DOCK2: variants seen among roughly 807,000 people sequenced by gnomAD.
DOCK2 encodes the protein dedicator of cytokinesis 2, also known as dedicator of cytokinesis protein 2.
In DOCK2, 87 loss-of-function variants were observed where a neutral mutation model predicts 248.9. The ratio of observed to expected loss-of-function variants is 0.35; its 90% CI spans 0.29 to 0.42. The LOEUF (loss-of-function observed/expected upper bound fraction) is 0.42, where lower values mean the gene tolerates loss of function less well. Among genes scored for constraint, DOCK2 ranks in the 10% least tolerant of loss-of-function variants. The pLI is 1.00. For synonymous variants in DOCK2, 805 were observed against 821.6 expected (o/e 0.98, Z 0.35); for missense variants, 1,747 against 2,300.2 (o/e 0.76, Z 4.92).
chr5:169,700,170 G>T, intron 13 of DOCK2, 31 bp downstream of exon 13: 1 of 1,604,246 alleles, frequency 6.2e-7, no homozygotes, highest in South Asian at 1.1e-5. Context: ...CCTTCCCCTG[G>T]GGACATAGGG....
At chr5:169,869,802 A>C (rs1166593620) in intron 27 of DOCK2, among the ~76,000 whole-genome samples, 2 of 152,170 alleles carry the variant, frequency 1.3e-5, no homozygotes, top group African/African-American at 4.8e-5. Context: ...ATAGCACACC[A>C]ATAACTTTTC....
intron 1 of DOCK2, 25 bp from the exon 2 acceptor site, chr5:169,654,378 A>T: frequency 6.2e-7 from 1 of 1,613,458 alleles, no homozygotes; most frequent in Non-Finnish European, 8.5e-7. Context: ...GGTCTCACCT[A>T]GCTGTCTTTC....
At chr5:170,034,598 G>A (rs970068746) in intron 35 of DOCK2, 43 bp downstream of exon 35, 1 of 1,607,990 alleles carries the variant, frequency 6.2e-7, no homozygotes, top group African/African-American at 1.3e-5. Flanking sequence ...GAACCCTGTG[G>A]GGGGGCTTGG....
intron 9 of DOCK2, among the ~76,000 whole-genome samples, chr5:169,692,804 G>T (rs73316271): frequency 0.011 from 1,606 of 152,256 alleles, 31 homozygotes; most frequent in African/African-American, 0.037. Context: ...TCTTGCCTTG[G>T]TTTGCAGATG....
intron 26 of DOCK2, among the ~76,000 whole-genome samples, chr5:169,832,719 T>C (rs191979110): frequency 2.0e-5 from 3 of 152,350 alleles, no homozygotes; most frequent in Admixed American, 1.3e-4. Context: ...ATTTTCTTTC[T>C]AGGTGTTTGT....
intron 11 of DOCK2, 75 bp downstream of exon 11, chr5:169,698,524 G>A (rs962265517): frequency 4.6e-6 from 7 of 1,525,734 alleles, no homozygotes; most frequent in Middle Eastern, 1.7e-4. Context: ...AGCTCAGAGG[G>A]TACCAGTTCC....
At chr5:169,694,656 G>A (rs1760507239) in intron 9 of DOCK2, among the ~76,000 whole-genome samples, 1 of 152,192 alleles carries the variant, frequency 6.6e-6, no homozygotes. Flanking sequence ...CACAGTGGAT[G>A]AGAGTGCGTT....
At chr5:170,049,654 A>G (rs1345594104) in intron 40 of DOCK2, among the ~76,000 whole-genome samples, 1 of 152,208 alleles carries the variant, frequency 6.6e-6, no homozygotes, top group Non-Finnish European at 1.5e-5. Flanking sequence ...TGCTAGCAGC[A>G]TCCCTAACCA....
At chr5:169,776,696 TC>T (rs1486652993) in intron 25 of DOCK2, among the ~76,000 whole-genome samples, 1 of 152,182 alleles carries the variant, frequency 6.6e-6, no homozygotes, top group Non-Finnish European at 1.5e-5. Context: ...GATAACTGAA[TC>T]ATGGCAGCAG....
intron 25 of DOCK2, among the ~76,000 whole-genome samples, chr5:169,776,791 G>T (rs1765411808): frequency 6.6e-6 from 1 of 152,134 alleles, no homozygotes; most frequent in Admixed American, 6.6e-5. Flanking sequence ...ACTTCGTCCT[G>T]CTGCCCTGTG....
At chr5:169,896,168 C>T (rs1470025465) in intron 27 of DOCK2, among the ~76,000 whole-genome samples, 1 of 151,964 alleles carries the variant, frequency 6.6e-6, no homozygotes, top group African/African-American at 2.4e-5. Flanking sequence ...GAAACCGTTG[C>T]TCCTGGGGTC....
intron 26 of DOCK2, among the ~76,000 whole-genome samples, chr5:169,808,655 C>CGTTCTG (rs1767558424): frequency 6.6e-6 from 1 of 152,148 alleles, no homozygotes; most frequent in African/African-American, 2.4e-5. Context: ...CACACTGCTT[C>CGTTCTG]GTTCTGTGCT....
intron 30 of DOCK2, among the ~76,000 whole-genome samples, chr5:170,006,034 C>A (rs1449870541): frequency 2.0e-5 from 3 of 152,164 alleles, no homozygotes; most frequent in African/African-American, 4.8e-5. Flanking sequence ...TTTTCTCTTG[C>A]CCTGGCTTGT....
chr5:170,034,700 C>G, intron 35 of DOCK2, 145 bp downstream of exon 35: 1 of 1,163,944 alleles, frequency 8.6e-7, no homozygotes, highest in Non-Finnish European at 1.2e-6. Context: ...ACGTCTGCTG[C>G]GCTTTCTGCT....
intron 27 of DOCK2, among the ~76,000 whole-genome samples, chr5:169,897,469 G>A (rs1014883101): frequency 1.3e-5 from 2 of 152,092 alleles, no homozygotes; most frequent in African/African-American, 4.8e-5. Flanking sequence ...GATTACAAGT[G>A]TGAGCCACCG....
At chr5:169,747,335 A>G in intron 22 of DOCK2, 61 bp from the exon 23 acceptor site, 3 of 1,483,344 alleles carry the variant, frequency 2.0e-6, no homozygotes, top group South Asian at 1.2e-5. Context: ...TGTGCCTAGT[A>G]CACACTTTTA....
intron 25 of DOCK2, among the ~76,000 whole-genome samples, chr5:169,793,482 C>T (rs1190315089): frequency 6.6e-6 from 1 of 152,136 alleles, no homozygotes; most frequent in African/African-American, 2.4e-5. Flanking sequence ...TACTGAACCT[C>T]TCTAGGCTTC....
chr5:169,656,063 T>C (rs1758092675), intron 2 of DOCK2, among the ~76,000 whole-genome samples: 1 of 152,210 alleles, frequency 6.6e-6, no homozygotes, highest in Non-Finnish European at 1.5e-5. Context: ...GAATTGGGTC[T>C]GTGATTCCAC....
At chr5:170,009,064 C>T (rs900369596) in intron 32 of DOCK2, among the ~76,000 whole-genome samples, 8 of 152,048 alleles carry the variant, frequency 5.3e-5, no homozygotes, top group Admixed American at 3.3e-4. Context: ...ACACATGACA[C>T]GGATGCTTGC....
Sources: allele counts gnomAD v4.1 joint callset (sites outside exome capture counted in the v4.1 genomes callset), GRCh38; gene constraint gnomAD v4.1.1; transcripts MANE v1.5; gene names NCBI Gene and HGNC (gene_info 2026-07-23, HGNC 2026-07-21).